The following DLK2 variants were observed in gnomAD, a reference collection of about 807,000 sequenced individuals.
DLK2 encodes protein delta homolog 2.
In DLK2, 9 loss-of-function variants were observed where a neutral mutation model predicts 31.3. The observed-to-expected ratio is 0.29, with a 90% CI of 0.17 to 0.50. The LOEUF (loss-of-function observed/expected upper bound fraction) is 0.50. DLK2 is among the 20% of genes least tolerant of loss of function. DLK2 has a pLI of 0.98. For synonymous variants in DLK2, 169 were observed against 201.2 expected (o/e 0.84, Z 1.35); for missense variants, 387 against 526.1 (o/e 0.74, Z 2.59).
rs1339905077 is a variant in DLK2, at chr6:43,451,287, T to G, written c.417-13A>C. 6 of 1,610,820 alleles carry G rather than the reference T, an allele frequency of 3.7e-6. No homozygotes were observed. The highest frequency in any genetic ancestry group is 4.2e-6 in the Non-Finnish European group (5 of 1,178,238). ...GCGGCATGGGGAGCTGTGGTAGGGGTGAGAGAGGACATGATAACCAACTTA... is the reference window on the plus strand; with the variant it reads ...GCGGCATGGGGAGCTGTGGTAGGGGGGAGAGAGGACATGATAACCAACTTA... On this transcript the variant is annotated splice_polypyrimidine_tract_variant and intron_variant, in intron 5 of 5. Transcript: ENST00000372488. The surrounding 1 kb of genome is among the most constrained non-coding windows in gnomAD (Gnocchi z 4.4).
chr6:43,450,429 G>T lies in DLK2; in HGVS notation c.*110C>A. ...AAAAAAATAATATTTCTGGTGTGAG[G>T]CTGAGGTCTCCTCTGTGTGTGTACC... On this transcript the variant is annotated 3_prime_UTR_variant, in exon 6 of 6. Transcript: ENST00000372488. The surrounding 1 kb of genome is among the most constrained non-coding windows in gnomAD (Gnocchi z 4.5). The T allele has an allele frequency of 8.1e-7, 1 of 1,234,550 alleles. No homozygotes were observed. The highest frequency in any genetic ancestry group is 1.1e-6 in the Non-Finnish European group (1 of 905,638). 76.5% of individuals were successfully genotyped at this position (1,234,550 alleles called of 1,614,324 possible).
chr6:43,454,891 G>GC lies in DLK2; in HGVS notation c.-55-12dup. ...CGGACGCGTGGACACCTGTGGGACG[G>GC]CACCGGTTGGGAGGCGGCCGGACGC... On this transcript the variant is annotated splice_polypyrimidine_tract_variant and intron_variant, in intron 1 of 5. Transcript: ENST00000372488. 6.5e-7 allele frequency: 1 copy of GC among 1,526,982 alleles called. No homozygotes were observed. Among genetic ancestry groups the GC allele is most frequent in the East Asian group, 2.5e-5 (1 of 40,586 alleles). 94.6% of individuals were successfully genotyped at this position (1,526,982 alleles called of 1,614,324 possible).
Position 43,451,337 on chromosome 6 carries a change from T to A in DLK2, c.417-63A>T, listed in dbSNP as rs1016358261. 1.3e-6 allele frequency: 2 copies of A among 1,557,976 alleles called. No individual in the cohort carries two copies. The highest frequency in any genetic ancestry group is 1.7e-6 in the Non-Finnish European group (2 of 1,151,258). ...ACCAACACCTGTAGGGCAGCCCAGGTCAGTATCCTGACCACTGCCCGCCAT... is the reference window on the plus strand; with the variant it reads ...ACCAACACCTGTAGGGCAGCCCAGGACAGTATCCTGACCACTGCCCGCCAT... On this transcript the variant is annotated intron_variant, in intron 5 of 5. Coordinates refer to ENST00000372488, the MANE Select transcript of DLK2 (RefSeq NM_023932.4). This position sits in a 1 kb window ranked among gnomAD's most constrained non-coding sequence, Gnocchi z 4.4.
intron 4 of DLK2, 65 bp from the exon 5 acceptor site, chr6:43,452,149 C>G: frequency 3.8e-6 from 6 of 1,597,470 alleles, no homozygotes; most frequent in Non-Finnish European, 4.3e-6. Context: ...CCAGACTTGT[C>G]CACGCCTTCC....
In DLK2 at chr6:43,451,014, C is replaced by T. The variant is rs758519145; in HGVS notation, c.677G>A (p.Arg226His). The T allele has an allele frequency of 1.2e-5, 19 of 1,613,960 alleles. No homozygotes were observed. Among genetic ancestry groups the T allele is most frequent in the Middle Eastern group, 1.6e-4 (1 of 6,084 alleles). ...CASRPCQRGA[R>H]CRDRVHDFDC... is the part of the protein sequence containing the mutation. Reference sequence around the variant, plus strand: ...GAAGTCGTGGACACGGTCCCGACAGCGGGCCCCTCTCTGGCATGGGCGGCT... The same window carrying T: ...GAAGTCGTGGACACGGTCCCGACAGTGGGCCCCTCTCTGGCATGGGCGGCT... Residue 226 changes from arginine (R) to histidine (H), a missense_variant, in exon 6 of 6, where the codon CGC (arginine) becomes CAC (histidine). Physicochemically the swap from Arg to His is conservative, Grantham distance 29. Transcript: ENST00000372488. This position sits in a 1 kb window ranked among gnomAD's most constrained non-coding sequence, Gnocchi z 4.4.
At position 43,451,734 on chromosome 6, in the gene DLK2, T is replaced by G. The variant is rs952932092; in HGVS notation, c.416+206A>C. On this transcript the variant is annotated intron_variant, in intron 5 of 5. Coordinates refer to ENST00000372488, the MANE Select transcript of DLK2 (RefSeq NM_023932.4). This position sits in a 1 kb window ranked among gnomAD's most constrained non-coding sequence, Gnocchi z 4.4. ...TGTTACCCCTCTAGCTCCTATAGAT[T>G]GTTGAAGAAATGGCTCAGAAGGTAC... Among the ~76,000 whole-genome samples, 4 of 151,922 alleles carry G rather than the reference T, an allele frequency of 2.6e-5. No individual in the cohort carries two copies. Among genetic ancestry groups the G allele is most frequent in the Non-Finnish European group, 4.4e-5 (3 of 67,978 alleles).
At chr6:43,452,215 G>T (rs1783791908) in intron 4 of DLK2, 131 bp from the exon 5 acceptor site, 1 of 1,326,560 alleles carries the variant, frequency 7.5e-7, no homozygotes, top group South Asian at 1.5e-5. Flanking sequence ...GGCTGGCGTG[G>T]TATGCTAGGG....
At chr6:43,454,591 ACATAACACAGAAACTCATCC>A in intron 2 of DLK2, 117 bp from the exon 3 acceptor site, 2 of 1,334,252 alleles carry the variant, frequency 1.5e-6, no homozygotes, top group Non-Finnish European at 2.1e-6. Context: ...CTAGGGCAGG[ACATAACACAGAAACTCATCC>A]CATTCCAAAA....
intron 1 of DLK2, 116 bp downstream of exon 1, chr6:43,455,277 GCC>G (rs572751222): frequency 3.1e-5 from 4 of 128,412 alleles, no homozygotes; most frequent in African/African-American, 6.3e-5. Context: ...AGCTCCGACA[GCC>G]CCCCCCCCCG....
In DLK2 at chr6:43,453,507, C is replaced by T. The variant is rs1433776797; in HGVS notation, c.141-372G>A. On this transcript the variant is annotated intron_variant, in intron 3 of 5. Transcript: ENST00000372488. This position sits in a 1 kb window ranked among gnomAD's most constrained non-coding sequence, Gnocchi z 4.1. Reference sequence around the variant, plus strand: ...AAGAAGAATGACCTTGAAAGGCCATCAGGGCCGGGGCGTGGTTGCTCACGC... The same window carrying T: ...AAGAAGAATGACCTTGAAAGGCCATTAGGGCCGGGGCGTGGTTGCTCACGC... Among the ~76,000 whole-genome samples the T allele has an allele frequency of 6.6e-6, 1 of 152,208 alleles. No homozygotes were observed. The highest frequency in any genetic ancestry group is 1.5e-5 in the Non-Finnish European group (1 of 68,038).
chr6:43,454,397 C>T lies in DLK2; in HGVS notation c.140+14G>A, dbSNP rs1436628223. ...GTACCAAAGGGTTTGGGGGCACGTG[C>T]TCAGGACAGGTACCTGCAGGAGCCG... On this transcript the variant is annotated intron_variant, in intron 3 of 5. Transcript: ENST00000372488. 1 of 1,601,396 alleles carries T rather than the reference C, an allele frequency of 6.2e-7. No individual in the cohort carries two copies. Among genetic ancestry groups the T allele is most frequent in the Admixed American group, 1.7e-5 (1 of 57,148 alleles).
At chr6:43,454,580 C>A in intron 2 of DLK2, 106 bp from the exon 3 acceptor site, 1 of 1,356,306 alleles carries the variant, frequency 7.4e-7, no homozygotes. Flanking sequence ...CGGACTCAAC[C>A]CTAGGGCAGG....
In DLK2 at chr6:43,455,257, T is replaced by C. The variant is rs561957537; in HGVS notation, c.-56+138A>G. The C allele has an allele frequency of 7.5e-3, 1,407 of 187,130 alleles. 11 individuals are homozygous for C. The highest frequency in any genetic ancestry group is 0.011 in the Non-Finnish European group (1,103 of 100,020). 11.6% of individuals were successfully genotyped at this position (187,130 alleles called of 1,614,324 possible). The stretch of plus-strand genomic sequence containing the variant: ...GGACGGTTCCCGGCAGCGAGCAGTC[T>C]CCGCCCCACAGCTCCGACAGCCCCC... On this transcript the variant is annotated intron_variant, in intron 1 of 5. Coordinates refer to ENST00000372488, the MANE Select transcript of DLK2 (RefSeq NM_023932.4).
intron 3 of DLK2, among the ~76,000 whole-genome samples, chr6:43,454,077 T>C (rs898587014): frequency 6.6e-6 from 1 of 152,214 alleles, no homozygotes; most frequent in Non-Finnish European, 1.5e-5. Flanking sequence ...GCAGCATTTC[T>C]TTTCCAGGCT....
Position 43,451,359 on chromosome 6 carries a change from C to T in DLK2, c.417-85G>A. 2 of 1,498,518 alleles carry T rather than the reference C, an allele frequency of 1.3e-6. No individual in the cohort carries two copies. Among genetic ancestry groups the T allele is most frequent in the Middle Eastern group, 1.8e-4 (1 of 5,594 alleles). 92.8% of individuals were successfully genotyped at this position (1,498,518 alleles called of 1,614,324 possible). ...AGGTCAGTATCCTGACCACTGCCCG[C>T]CATGTCATCTTGGGCTACACACTCC... is the stretch of plus-strand genomic sequence containing the variant. On this transcript the variant is annotated intron_variant, in intron 5 of 5. Transcript: ENST00000372488. This position sits in a 1 kb window ranked among gnomAD's most constrained non-coding sequence, Gnocchi z 4.4.
chr6:43,456,145 C>G (rs1197587564), upstream of DLK2: 2 of 152,422 alleles, frequency 1.3e-5, no homozygotes, highest in African/African-American at 4.8e-5. Flanking sequence ...TTCCCTCCCT[C>G]AAGTCTCAGC....
In DLK2 at chr6:43,450,882, A is replaced by T; in HGVS notation, c.809T>A (p.Val270Glu). 1.2e-6 allele frequency: 2 copies of T among 1,614,158 alleles called. No individual in the cohort carries two copies. The highest frequency in any genetic ancestry group is 1.7e-6 in the Non-Finnish European group (2 of 1,179,998). ...VDTPLGPTSAVVVPATGPAPH... is the reference protein window; with the variant it reads ...VDTPLGPTSAEVVPATGPAPH... The stretch of plus-strand genomic sequence containing the variant: ...GGCTGGCCCCGTGGCAGGTACCACT[A>T]CAGCTGAGGTGGGCCCTAGAGGGGT... Residue 270 changes from valine (V) to glutamate (E), a missense_variant, in exon 6 of 6, where the codon GTA (valine) becomes GAA (glutamate). Val to Glu is a moderately radical substitution (Grantham distance 121). Transcript: ENST00000372488. The surrounding 1 kb of genome is among the most constrained non-coding windows in gnomAD (Gnocchi z 4.5).
Position 43,450,403 on chromosome 6 carries a change from TA to T in DLK2, c.*135del. 1.8e-6 allele frequency: 2 copies of T among 1,106,518 alleles called. No individual in the cohort carries two copies. Among genetic ancestry groups the T allele is most frequent in the Non-Finnish European group, 2.5e-6 (2 of 803,622 alleles). The allele number at this position is 1,106,518 out of a possible 1,614,324, so 68.5% of individuals were successfully genotyped here. A position where few individuals can be genotyped will look rare whatever the true frequency, so the allele number is the denominator to read the frequency against. On this transcript the variant is annotated 3_prime_UTR_variant, in exon 6 of 6. Transcript: ENST00000372488. This position sits in a 1 kb window ranked among gnomAD's most constrained non-coding sequence, Gnocchi z 4.5. Reference sequence around the variant, plus strand: ...AAATTCCATCTTACATTCTGTGTATTAAAAAAATAATATTTCTGGTGTGAGG... The same window carrying T: ...AAATTCCATCTTACATTCTGTGTATTAAAAAATAATATTTCTGGTGTGAGG...
intron 2 of DLK2, 67 bp from the exon 3 acceptor site, chr6:43,454,541 A>G: frequency 6.7e-7 from 1 of 1,492,328 alleles, no homozygotes; most frequent in Non-Finnish European, 9.1e-7. Context: ...TGCGGGACTC[A>G]GGAGAGGATT....
Sources: allele counts gnomAD v4.1 joint callset (sites outside exome capture counted in the v4.1 genomes callset), GRCh38; gene constraint gnomAD v4.1.1; non-coding constraint Gnocchi (gnomAD v3.1); transcripts MANE v1.5; gene names NCBI Gene and HGNC (gene_info 2026-07-23, HGNC 2026-07-21).